AKAP11: variants seen among roughly 807,000 people sequenced by gnomAD.
The protein encoded by AKAP11 is A-kinase anchoring protein 11, also known as A-kinase anchor protein 11.
Under a neutral mutation model 146.1 loss-of-function variants are expected in AKAP11, and 36 were observed. The ratio of observed to expected loss-of-function variants is 0.25; its 90% CI spans 0.19 to 0.33. The LOEUF (loss-of-function observed/expected upper bound fraction) is 0.33, where lower values mean the gene tolerates loss of function less well. Ranked by LOEUF, AKAP11 falls within the 10% of genes least tolerant of loss-of-function variation. The probability of loss-of-function intolerance (pLI) is 1.00; values close to 1 mark genes in which losing one functional copy is unlikely to be tolerated. For synonymous variants in AKAP11, 780 were observed against 786.5 expected (o/e 0.99, Z 0.14); for missense variants, 2,201 against 2,197.0 (o/e 1.00, Z -0.04).
Position 42,300,574 on chromosome 13 carries a change from C to G in AKAP11, c.1828C>G (p.Arg610Gly). ...RRQRAFSLKE[R>G]AISGLANFLV... Reference sequence around the variant, plus strand: ...GCAGCGTGCATTTTCACTAAAAGAACGTGCCATTAGTGGCCTGGCTAACTT... The same window carrying G: ...GCAGCGTGCATTTTCACTAAAAGAAGGTGCCATTAGTGGCCTGGCTAACTT... Residue 610 changes from arginine (R) to glycine (G), a missense_variant, in exon 8 of 13, where the codon CGT becomes GGT. This residue lies in a region of AKAP11 where 1,867 missense variants were observed against 1,833.5 expected (regional missense o/e 1.02). Coordinates refer to ENST00000025301, the MANE Select transcript of AKAP11 (RefSeq NM_016248.4). 1.2e-6 allele frequency: 2 copies of G among 1,613,868 alleles called. No individual in the cohort carries two copies. The highest frequency in any genetic ancestry group is 1.7e-6 in the Non-Finnish European group (2 of 1,179,886).
chr13:42,285,698 T>G (rs1303182959), intron 1 of AKAP11, among the ~76,000 whole-genome samples: 1 of 152,220 alleles, frequency 6.6e-6, no homozygotes, highest in African/African-American at 2.4e-5. Context: ...TGGCAGGTGT[T>G]GTGTGTGTTA....
Position 42,302,602 on chromosome 13 carries a change from A to G in AKAP11, c.3856A>G (p.Lys1286Glu). Residue 1286 changes from lysine (K) to glutamate (E), a missense_variant, in exon 8 of 13, where the codon AAG (lysine) becomes GAG (glutamate). Lys to Glu is a moderately conservative substitution (Grantham distance 56, BLOSUM62 1). Transcript: ENST00000025301. ...CCGAAATTGTATGCTTTTCAAGCAA[A>G]AGAAGAACAGTTGTTATGCTGATGG... ...KVRNCMLFKQ[K>E]KNSCYADGDE... 1 of 1,614,120 alleles carries G rather than the reference A, an allele frequency of 6.2e-7. No individual in the cohort carries two copies. The highest frequency in any genetic ancestry group is 8.5e-7 in the Non-Finnish European group (1 of 1,180,012).
At chr13:42,309,644 T>C (rs1177672225) in intron 9 of AKAP11, among the ~76,000 whole-genome samples, 1 of 152,222 alleles carries the variant, frequency 6.6e-6, no homozygotes, top group Non-Finnish European at 1.5e-5. Context: ...AAACCACCAA[T>C]ATTTCTTAAA....
At chr13:42,289,498 T>G (rs9533057) in intron 3 of AKAP11, among the ~76,000 whole-genome samples, 19,437 of 152,150 alleles carry the variant, frequency 0.13, 1,387 homozygotes, top group South Asian at 0.2. Context: ...TGCTCAAATT[T>G]TTCCAAAATT....
intron 4 of AKAP11, 119 bp from the exon 5 acceptor site, chr13:42,295,576 C>A (rs1959460993): frequency 2.2e-6 from 2 of 901,458 alleles, no homozygotes; most frequent in Admixed American, 2.7e-5. Context: ...TGAAAAAAAT[C>A]CTTTTCAAGC....
chr13:42,296,952 A>G (rs1959550958), intron 5 of AKAP11, 96 bp from the exon 6 acceptor site: 1 of 1,036,948 alleles, frequency 9.6e-7, no homozygotes. Flanking sequence ...TTCACTAGCC[A>G]GTAGACCTTA....
intron 1 of AKAP11, among the ~76,000 whole-genome samples, chr13:42,281,888 A>G (rs1959067702): frequency 6.6e-6 from 1 of 152,108 alleles, no homozygotes; most frequent in Non-Finnish European, 1.5e-5. Flanking sequence ...CACTGGCATC[A>G]GTTTAGTGTA....
chr13:42,280,120 C>A (rs1369883122), intron 1 of AKAP11, among the ~76,000 whole-genome samples: 1 of 152,206 alleles, frequency 6.6e-6, no homozygotes, highest in Non-Finnish European at 1.5e-5. Context: ...CCAAACTGAT[C>A]TGTGTTTAAA....
At chr13:42,275,176 T>G (rs1958885486) in intron 1 of AKAP11, among the ~76,000 whole-genome samples, 1 of 152,254 alleles carries the variant, frequency 6.6e-6, no homozygotes, top group Non-Finnish European at 1.5e-5. Flanking sequence ...GCACATGGTC[T>G]TATGTCTCTG....
chr13:42,296,862 T>G (rs974077844), intron 5 of AKAP11, among the ~76,000 whole-genome samples, 186 bp from the exon 6 acceptor site: 3 of 152,004 alleles, frequency 2.0e-5, no homozygotes, highest in Non-Finnish European at 4.4e-5. Context: ...TTAATAATTT[T>G]AGTATATTTT....
chr13:42,279,143 C>T (rs1461999097), intron 1 of AKAP11, among the ~76,000 whole-genome samples: 1 of 152,054 alleles, frequency 6.6e-6, no homozygotes, highest in African/African-American at 2.4e-5. Flanking sequence ...TTAGGGTTTG[C>T]TGAGCTTCCT....
chr13:42,299,153 A>G (rs574563713), intron 7 of AKAP11, among the ~76,000 whole-genome samples: 1 of 152,192 alleles, frequency 6.6e-6, no homozygotes, highest in Non-Finnish European at 1.5e-5. Context: ...CCCATAGACC[A>G]GGTATCCCTA....
At chr13:42,283,076 C>A (rs188935539) in intron 1 of AKAP11, among the ~76,000 whole-genome samples, 2 of 152,260 alleles carry the variant, frequency 1.3e-5, no homozygotes, top group African/African-American at 4.8e-5. Context: ...CCTTTCTTCC[C>A]CCATCAATCT....
At chr13:42,295,577 C>T in intron 4 of AKAP11, 118 bp from the exon 5 acceptor site, 2 of 919,386 alleles carry the variant, frequency 2.2e-6, no homozygotes, top group East Asian at 5.3e-5. Flanking sequence ...GAAAAAAATC[C>T]TTTTCAAGCA....
Position 42,319,257 on chromosome 13 carries a change from ATT to A in AKAP11, c.*31_*32del, listed in dbSNP as rs1566297404. The stretch of plus-strand genomic sequence containing the variant: ...AAACCCCAAACCAGTATATTTTAGT[ATT>A]TGTTTGGGGAGGGGAACAAGCCAAT... On this transcript the variant is annotated 3_prime_UTR_variant, in exon 13 of 13. Coordinates refer to ENST00000025301, the MANE Select transcript of AKAP11 (RefSeq NM_016248.4). The A allele has an allele frequency of 6.2e-7, 1 of 1,603,260 alleles. No homozygotes were observed. Among genetic ancestry groups the A allele is most frequent in the Non-Finnish European group, 8.5e-7 (1 of 1,176,054 alleles).
intron 1 of AKAP11, among the ~76,000 whole-genome samples, 182 bp downstream of exon 1, chr13:42,272,410 G>A (rs1158386786): frequency 2.0e-5 from 3 of 152,334 alleles, no homozygotes; most frequent in Admixed American, 1.3e-4. Flanking sequence ...GAGGGAGGAG[G>A]GCGGGAGGAG....
chr13:42,304,261 C>T (rs969923396), intron 8 of AKAP11, among the ~76,000 whole-genome samples: 4 of 152,140 alleles, frequency 2.6e-5, no homozygotes, highest in Admixed American at 6.5e-5. Context: ...ATAAGCGATT[C>T]GTAAGTTTTA....
chr13:42,287,879 A>G (rs78440629), intron 3 of AKAP11, among the ~76,000 whole-genome samples: 129 of 152,316 alleles, frequency 8.5e-4, no homozygotes, highest in Admixed American at 1.8e-3. Flanking sequence ...TACCCCATAC[A>G]TTGCCAGAGA....
chr13:42,302,748 G>A lies in AKAP11; in HGVS notation c.4002G>A (p.Lys1334=), dbSNP rs1166380884. ...CTTGTATGTCAGGTCTGATGTATAA[G>A]TATCCCAGCTGTGAAAGTGTGACAG... The part of the protein sequence containing the change: ...PSSCMSGLMY[K]YPSCESVTDE... Residue 1334 remains lysine, a synonymous_variant, in exon 8 of 13, where the codon AAG becomes AAA. Coordinates refer to ENST00000025301, the MANE Select transcript of AKAP11 (RefSeq NM_016248.4). 1.2e-6 allele frequency: 2 copies of A among 1,614,062 alleles called. No homozygotes were observed. The highest frequency in any genetic ancestry group is 1.7e-6 in the Non-Finnish European group (2 of 1,179,990).
Sources: allele counts gnomAD v4.1 joint callset (sites outside exome capture counted in the v4.1 genomes callset), GRCh38; gene constraint gnomAD v4.1.1; regional missense constraint gnomAD v4.1.1; transcripts MANE v1.5; gene names NCBI Gene and HGNC (gene_info 2026-07-23, HGNC 2026-07-21).